The following TOX variants were observed in gnomAD, a reference collection of about 807,000 sequenced individuals.
The protein encoded by TOX is thymocyte selection associated high mobility group box.
A neutral mutation model predicts 53.7 loss-of-function variants in TOX; 11 were observed. The ratio of observed to expected loss-of-function variants is 0.20; its 90% CI spans 0.13 to 0.34. TOX has a LOEUF of 0.34. Among genes scored for constraint, TOX ranks in the 10% least tolerant of loss-of-function variants. The probability of loss-of-function intolerance (pLI) is 1.00; values close to 1 mark genes in which losing one functional copy is unlikely to be tolerated. For synonymous variants in TOX, 225 were observed against 245.3 expected (o/e 0.92, Z 0.77); for missense variants, 570 against 664.6 (o/e 0.86, Z 1.56).
chr8:58,998,577 A>ATAATAAATTTATATTTAATAAATTTATG (rs1813626029), intron 1 of TOX, among the ~76,000 whole-genome samples: 1 of 70,372 alleles, frequency 1.4e-5, no homozygotes, highest in African/African-American at 6.8e-5. Flanking sequence ...AAATGTATAT[A>ATAATAAATTTATATTTAATAAATTTATG]TAATAAATTT....
chr8:59,036,108 C>A (rs946928306), intron 1 of TOX, among the ~76,000 whole-genome samples: 1 of 152,120 alleles, frequency 6.6e-6, no homozygotes, highest in African/African-American at 2.4e-5. Flanking sequence ...ATTCTCGAAG[C>A]TCAGGAAAAG....
At chr8:58,819,008 C>A (rs61292345) in intron 6 of TOX, among the ~76,000 whole-genome samples, 1 of 152,176 alleles carries the variant, frequency 6.6e-6, no homozygotes, top group Non-Finnish European at 1.5e-5. Flanking sequence ...ATTAAGCAGT[C>A]TAGTACAATA....
At chr8:59,061,312 C>A (rs1216270542) in intron 1 of TOX, among the ~76,000 whole-genome samples, 1 of 152,050 alleles carries the variant, frequency 6.6e-6, no homozygotes, top group Non-Finnish European at 1.5e-5. Context: ...ACCAAAGAAA[C>A]CAAAGCAATT....
intron 2 of TOX, among the ~76,000 whole-genome samples, chr8:58,955,493 A>G (rs1334605408): frequency 6.6e-6 from 1 of 152,176 alleles, no homozygotes; most frequent in Non-Finnish European, 1.5e-5. Context: ...AGAGGAAGTG[A>G]TTTATTAAAA....
chr8:58,935,658 G>A (rs1373993419), intron 3 of TOX, among the ~76,000 whole-genome samples: 2 of 151,970 alleles, frequency 1.3e-5, no homozygotes, highest in Non-Finnish European at 2.9e-5. Context: ...CCTGTCTAAT[G>A]GGCACTGATG....
intron 1 of TOX, among the ~76,000 whole-genome samples, chr8:58,966,735 A>G (rs895900009): frequency 6.6e-5 from 10 of 152,172 alleles, no homozygotes; most frequent in African/African-American, 2.4e-4. Context: ...CTGTGGCTCC[A>G]TGGCATGAAT....
chr8:58,837,987 A>C, intron 5 of TOX, 94 bp downstream of exon 5: 1 of 1,172,384 alleles, frequency 8.5e-7, no homozygotes, highest in Non-Finnish European at 1.2e-6. Flanking sequence ...CTGTTCTGGG[A>C]TCTAAAGAAT....
In TOX at chr8:58,865,846, TTGTCCTGAGACAGAGTCTCACTC is replaced by T. The variant is rs1179056505; in HGVS notation, c.412-14064_412-14042del. On this transcript the variant is annotated intron_variant, in intron 3 of 8. Transcript: ENST00000361421. Reference sequence around the variant, plus strand: ...CAGTGGCTTTTTTTTTTTTTTTTTTTTGTCCTGAGACAGAGTCTCACTCTGTCGTCCAGGCTGGAGTGCAGTGG... The same window carrying T: ...CAGTGGCTTTTTTTTTTTTTTTTTTTTGTCGTCCAGGCTGGAGTGCAGTGG... 2.2e-3 allele frequency among the ~76,000 whole-genome samples: 207 copies of T among 94,356 alleles called. 5 individuals are homozygous for T. Among genetic ancestry groups the T allele is most frequent in the Non-Finnish European group, 3.1e-3 (148 of 48,116 alleles). 61.9% of individuals were successfully genotyped at this position (94,356 alleles called of 152,430 possible). A position where few individuals can be genotyped will look rare whatever the true frequency, so the allele number is the denominator to read the frequency against.
chr8:58,902,451 C>T (rs371325829), intron 3 of TOX, among the ~76,000 whole-genome samples: 50 of 152,258 alleles, frequency 3.3e-4, no homozygotes, highest in African/African-American at 1.2e-3. Flanking sequence ...CTATCAAAAT[C>T]TCTGGAAATT....
At position 58,988,118 on chromosome 8, in the gene TOX, C is replaced by T. The variant is rs73252702; in HGVS notation, c.103-28110G>A. Among the ~76,000 whole-genome samples, 971 of 152,282 alleles carry T rather than the reference C, an allele frequency of 6.4e-3. 10 individuals are homozygous for T. The highest frequency in any genetic ancestry group is 0.022 in the African/African-American group (917 of 41,540). On this transcript the variant is annotated intron_variant, in intron 1 of 8. Transcript: ENST00000361421. ...ATAAAGTAAACATTGGATGAACAGT[C>T]ACCTGTAACTGTAAATGATGAACTA... is the stretch of plus-strand genomic sequence containing the variant.
chr8:58,998,425 GT>G (rs1813602912), intron 1 of TOX, among the ~76,000 whole-genome samples: 2 of 145,414 alleles, frequency 1.4e-5, no homozygotes, highest in Admixed American at 1.4e-4. Context: ...GGAGGCAGAG[GT>G]TGCAGTGAGC....
At chr8:59,101,090 G>T (rs1259146028) in intron 1 of TOX, among the ~76,000 whole-genome samples, 2 of 152,166 alleles carry the variant, frequency 1.3e-5, no homozygotes, top group African/African-American at 4.8e-5. Flanking sequence ...TAAAGGAAAG[G>T]AAAGGAAAAG....
At chr8:59,113,653 A>T (rs1046441103) in intron 1 of TOX, among the ~76,000 whole-genome samples, 1 of 152,024 alleles carries the variant, frequency 6.6e-6, no homozygotes, top group Admixed American at 6.6e-5. Context: ...AGAAGTACAG[A>T]CCTCCTAGGT....
chr8:58,972,251 A>G (rs895354300), intron 1 of TOX, among the ~76,000 whole-genome samples: 3 of 152,178 alleles, frequency 2.0e-5, no homozygotes, highest in Admixed American at 6.5e-5. Context: ...CTAACGTTAA[A>G]GTTATTTCAG....
intron 1 of TOX, among the ~76,000 whole-genome samples, chr8:59,104,823 A>C (rs911567974): frequency 1.3e-5 from 2 of 152,186 alleles, no homozygotes; most frequent in African/African-American, 4.8e-5. Flanking sequence ...CTCCTCCAGG[A>C]AGCAACAGGG....
chr8:59,035,387 A>C (rs1814438363), intron 1 of TOX, among the ~76,000 whole-genome samples: 1 of 152,192 alleles, frequency 6.6e-6, no homozygotes, highest in Non-Finnish European at 1.5e-5. Flanking sequence ...TTTCAGAGAC[A>C]GGATCTTACT....
intron 2 of TOX, among the ~76,000 whole-genome samples, chr8:58,950,546 G>T (rs989528782): frequency 2.6e-5 from 4 of 152,200 alleles, no homozygotes; most frequent in Non-Finnish European, 5.9e-5. Context: ...TCACTTGCTA[G>T]ATCTTTCCTA....
intron 1 of TOX, among the ~76,000 whole-genome samples, chr8:59,013,623 C>T (rs545562167): frequency 3.5e-4 from 54 of 152,270 alleles, no homozygotes; most frequent in Middle Eastern, 3.4e-3. Flanking sequence ...GTTGGCCAGG[C>T]AGGTCTTGAA....
chr8:59,049,426 AG>A (rs1803748497), intron 1 of TOX, among the ~76,000 whole-genome samples: 1 of 152,228 alleles, frequency 6.6e-6, no homozygotes, highest in Non-Finnish European at 1.5e-5. Context: ...TGGGCTGAAA[AG>A]ATCTAGAACT....
Sources: allele counts gnomAD v4.1 joint callset (sites outside exome capture counted in the v4.1 genomes callset), GRCh38; gene constraint gnomAD v4.1.1; transcripts MANE v1.5; gene names NCBI Gene and HGNC (gene_info 2026-07-23, HGNC 2026-07-21).